The following OSBPL2 variants were observed in gnomAD, a reference collection of about 807,000 sequenced individuals.
OSBPL2 encodes the protein oxysterol binding protein like 2.
In OSBPL2, 18 loss-of-function variants were observed where a neutral mutation model predicts 58.4. The ratio of observed to expected loss-of-function variants is 0.31; its 90% confidence interval spans 0.21 to 0.46. OSBPL2 has a LOEUF of 0.46. OSBPL2 is among the 20% of genes least tolerant of loss of function. The pLI is 1.00. For missense variants in OSBPL2, 461 were observed against 616.5 expected, an observed-to-expected ratio of 0.75 and a Z score of 2.67; for synonymous variants, 221 against 234.1, an observed-to-expected ratio of 0.94 and a Z score of 0.51.
intron 7 of OSBPL2, among the ~76,000 whole-genome samples, chr20:62,280,553 A>G (rs1015703121): frequency 2.6e-5 from 4 of 152,218 alleles, no homozygotes; most frequent in Non-Finnish European, 5.9e-5. Context: ...ACCTTAGAAC[A>G]TAGGGCTGCT....
chr20:62,252,926 A>G (rs1255661323), intron 1 of OSBPL2, among the ~76,000 whole-genome samples: 1 of 152,264 alleles, frequency 6.6e-6, no homozygotes, highest in African/African-American at 2.4e-5. Context: ...ATCCACTCCC[A>G]TGGCTCAAAC....
At chr20:62,268,049 ATTTTTT>A (rs149417240) in intron 4 of OSBPL2, among the ~76,000 whole-genome samples, 58 of 116,154 alleles carry the variant, frequency 5.0e-4, no homozygotes, top group Non-Finnish European at 6.8e-4. Flanking sequence ...TGCCCGGCTA[ATTTTTT>A]TTTTTTTTTT....
chr20:62,289,269 C>G lies in OSBPL2; in HGVS notation c.1188C>G (p.Thr396=). ...AGCTGGAGACAGGCATGGAGAAGAC[C>G]CTGCCACCCACGGACTGCCGCCTGC... is the stretch of plus-strand genomic sequence containing the variant. ...LNELETGMEK[T]LPPTDCRLRP... The change falls in exon 12 of 14, where the codon ACC becomes ACG. Residue 396 remains threonine (T), a synonymous_variant. Coordinates refer to ENST00000313733, the MANE Select transcript of OSBPL2 (RefSeq NM_144498.4). The G allele has an allele frequency of 1.2e-6, 2 of 1,613,788 alleles. No homozygotes were observed. The highest frequency in any genetic ancestry group is 1.3e-5 in the African/African-American group (1 of 75,050).
intron 1 of OSBPL2, among the ~76,000 whole-genome samples, chr20:62,247,959 G>A (rs1468891966): frequency 6.6e-6 from 1 of 151,764 alleles, no homozygotes; most frequent in Non-Finnish European, 1.5e-5. Context: ...CACTACGCCC[G>A]GCCCCTTAGG....
chr20:62,272,608 CTG>C (rs1439986331), intron 5 of OSBPL2, among the ~76,000 whole-genome samples: 1 of 152,202 alleles, frequency 6.6e-6, no homozygotes, highest in Non-Finnish European at 1.5e-5. Flanking sequence ...ATGTGTGTGA[CTG>C]TGGGCTGGGC....
chr20:62,245,161 C>T (rs993247928), intron 1 of OSBPL2, among the ~76,000 whole-genome samples: 4 of 151,494 alleles, frequency 2.6e-5, no homozygotes, highest in Non-Finnish European at 5.9e-5. Context: ...TGCAGTGGCG[C>T]GATCTCGGCT....
chr20:62,284,321 C>G lies in OSBPL2; in HGVS notation c.996+152C>G, dbSNP rs760504480. The G allele has an allele frequency of 1.3e-5, 11 of 817,316 alleles. No homozygotes were observed. In the Middle Eastern group the frequency reaches 1.6e-3, roughly 120 times the overall value. 50.6% of individuals were successfully genotyped at this position (817,316 alleles called of 1,614,324 possible). ...TGCAGAATTTGTCTGTCCAGATGAA[C>G]CATATATTGTGGGTTCCAGTATCAG... On this transcript the variant is annotated intron_variant, in intron 10 of 13. Coordinates refer to ENST00000313733, the MANE Select transcript of OSBPL2 (RefSeq NM_144498.4).
intron 2 of OSBPL2, 79 bp from the exon 3 acceptor site, chr20:62,259,902 A>G: frequency 1.5e-6 from 2 of 1,314,386 alleles, no homozygotes; most frequent in East Asian, 2.3e-5. Flanking sequence ...ACCTGCTTGC[A>G]TAGTCAGAAT....
At chr20:62,284,371 T>TC in intron 10 of OSBPL2, 2 of 562,274 alleles carry the variant, frequency 3.6e-6, no homozygotes, top group Non-Finnish European at 6.1e-6. Flanking sequence ...TGTATTTCTT[T>TC]CCATTTTTTT....
intron 2 of OSBPL2, among the ~76,000 whole-genome samples, chr20:62,259,634 G>A (rs949885443): frequency 4.6e-5 from 7 of 152,218 alleles, no homozygotes; most frequent in Admixed American, 4.6e-4. Context: ...GAATCCGATA[G>A]AAGTGGCCCA....
chr20:62,268,596 AT>A lies in OSBPL2; in HGVS notation c.259-3526del, dbSNP rs558425014. On this transcript the variant is annotated intron_variant, in intron 4 of 13. Transcript: ENST00000313733. ...CATGCAGTGACTTCTTAATCTATTT[AT>A]TTATTTATTATTTCTTTTTAGAGAC... Among the ~76,000 whole-genome samples the A allele has an allele frequency of 1.4e-4, 22 of 152,126 alleles. No individual in the cohort carries two copies. In the South Asian group the frequency reaches 4.6e-3, roughly 32 times the overall value.
chr20:62,281,253 G>A, intron 8 of OSBPL2, 88 bp downstream of exon 8: 1 of 963,588 alleles, frequency 1.0e-6, no homozygotes, highest in South Asian at 1.4e-5. Flanking sequence ...GCTCCTGGTG[G>A]GTTTTAGCTC....
In OSBPL2 at chr20:62,238,552, C is replaced by G. The variant is rs1979483722; in HGVS notation, c.-174C>G. 1 of 149,342 alleles carries G rather than the reference C, an allele frequency of 6.7e-6. No homozygotes were observed. The highest frequency in any genetic ancestry group is 2.4e-5 in the African/African-American group (1 of 41,006). 9.3% of individuals were successfully genotyped at this position (149,342 alleles called of 1,614,324 possible). Reference sequence around the variant, plus strand: ...GGGTCGCGGGCCTACGGGGCGGGGGCGGGGCGGCAGTGAGCTCGGCCGGCA... The same window carrying G: ...GGGTCGCGGGCCTACGGGGCGGGGGGGGGGCGGCAGTGAGCTCGGCCGGCA... On this transcript the variant is annotated 5_prime_UTR_variant, in exon 1 of 14. Coordinates refer to ENST00000313733, the MANE Select transcript of OSBPL2 (RefSeq NM_144498.4).
At chr20:62,281,696 C>T (rs878894853) in intron 8 of OSBPL2, 94 bp from the exon 9 acceptor site, 9 of 885,138 alleles carry the variant, frequency 1.0e-5, no homozygotes, top group South Asian at 8.4e-5. Context: ...CCCGCCTGCC[C>T]CAGGGGCCTC....
At chr20:62,271,799 A>T in intron 4 of OSBPL2, 1 of 274,648 alleles carries the variant, frequency 3.6e-6, no homozygotes, top group South Asian at 5.9e-5. Flanking sequence ...GGAGTAGGGG[A>T]GGGGGCGCAG....
intron 3 of OSBPL2, among the ~76,000 whole-genome samples, chr20:62,261,934 T>G (rs1601167301): frequency 1.3e-5 from 2 of 152,250 alleles, no homozygotes; most frequent in South Asian, 4.2e-4. Flanking sequence ...AATTTTTGTA[T>G]TTTTAGTAGC....
At chr20:62,265,946 C>A (rs555138527) in intron 4 of OSBPL2, among the ~76,000 whole-genome samples, 1 of 152,080 alleles carries the variant, frequency 6.6e-6, no homozygotes, top group South Asian at 2.1e-4. Context: ...CATAGTGAGA[C>A]CCCAACTCTA....
chr20:62,283,914 A>G (rs1319801942), intron 9 of OSBPL2, 132 bp from the exon 10 acceptor site: 2 of 884,678 alleles, frequency 2.3e-6, no homozygotes, highest in Non-Finnish European at 3.5e-6. Context: ...TCACCTTCGC[A>G]TTTATGTCCA....
At chr20:62,246,455 T>C (rs1426785938) in intron 1 of OSBPL2, among the ~76,000 whole-genome samples, 1 of 152,234 alleles carries the variant, frequency 6.6e-6, no homozygotes, top group Non-Finnish European at 1.5e-5. Flanking sequence ...AGTTTTGTTT[T>C]TTTGCAAAAG....
Sources: gnomAD v4.1 joint callset for allele counts (sites outside exome capture counted in the v4.1 genomes callset) on GRCh38, gnomAD v4.1.1 for gene constraint, MANE v1.5 for transcripts, NCBI Gene and HGNC (gene_info 2026-07-23, HGNC 2026-07-21) for gene names.